The following GAS2 variants were observed in gnomAD, a reference collection of about 807,000 sequenced individuals.
GAS2 encodes the protein growth arrest-specific protein 2.
In GAS2, 20 loss-of-function variants were observed where a neutral mutation model predicts 37.5. The ratio of observed to expected loss-of-function variants is 0.53; its 90% CI spans 0.37 to 0.77. GAS2 has a LOEUF of 0.77. Ranked by LOEUF, GAS2 falls within the 30% of genes least tolerant of loss-of-function variation. The pLI is 0.00. For synonymous variants in GAS2, 144 were observed against 132.2 expected (o/e 1.09, Z -0.61); for missense variants, 336 against 373.4 (o/e 0.90, Z 0.82).
At chr11:22,753,146 C>G (rs1021303745) in intron 6 of GAS2, among the ~76,000 whole-genome samples, 1 of 152,080 alleles carries the variant, frequency 6.6e-6, no homozygotes, top group Admixed American at 6.6e-5. Context: ...CTCTTGAAAT[C>G]CCATTTCAGC....
chr11:22,797,646 A>G (rs1329145747), intron 7 of GAS2, among the ~76,000 whole-genome samples: 1 of 152,088 alleles, frequency 6.6e-6, no homozygotes, highest in Non-Finnish European at 1.5e-5. Context: ...TAATGGTAAC[A>G]TTAATACTTG....
At chr11:22,710,888 T>G (rs930050581) in intron 3 of GAS2, among the ~76,000 whole-genome samples, 1 of 152,174 alleles carries the variant, frequency 6.6e-6, no homozygotes, top group African/African-American at 2.4e-5. Flanking sequence ...TCATAATTAT[T>G]TTTCCCAAAG....
intron 2 of GAS2, 76 bp from the exon 3 acceptor site, chr11:22,685,592 A>G (rs1335446050): frequency 1.3e-6 from 2 of 1,492,022 alleles, no homozygotes; most frequent in African/African-American, 1.4e-5. Flanking sequence ...TAGTGATAAA[A>G]CTGTGTCAAA....
At chr11:22,731,158 G>A (rs1852455092) in intron 4 of GAS2, among the ~76,000 whole-genome samples, 1 of 151,756 alleles carries the variant, frequency 6.6e-6, no homozygotes, top group Non-Finnish European at 1.5e-5. Context: ...TATCAATTTA[G>A]AAATTGTCAA....
At chr11:22,738,223 TC>T (rs1565118662) in intron 5 of GAS2, among the ~76,000 whole-genome samples, 2 of 152,236 alleles carry the variant, frequency 1.3e-5, no homozygotes, top group Admixed American at 6.5e-5. Flanking sequence ...AGTTTCCACT[TC>T]TGACTAGGAT....
intron 1 of GAS2, among the ~76,000 whole-genome samples, chr11:22,667,648 C>A (rs189877978): frequency 2.8e-4 from 43 of 152,312 alleles, no homozygotes; most frequent in Admixed American, 2.3e-3. Context: ...AAATTAAATT[C>A]TGTCAACTCA....
At chr11:22,681,898 C>G (rs556371326) in intron 2 of GAS2, among the ~76,000 whole-genome samples, 1 of 150,968 alleles carries the variant, frequency 6.6e-6, no homozygotes, top group East Asian at 1.9e-4. Context: ...ATATATCATC[C>G]CCATATAAAG....
chr11:22,696,374 G>A (rs1205900056), intron 3 of GAS2, among the ~76,000 whole-genome samples: 1 of 152,016 alleles, frequency 6.6e-6, no homozygotes. Context: ...CCAAGTCTTT[G>A]CTATTGTGAA....
chr11:22,638,661 A>C (rs1328406699), intron 1 of GAS2, among the ~76,000 whole-genome samples: 1 of 152,138 alleles, frequency 6.6e-6, no homozygotes, highest in Non-Finnish European at 1.5e-5. Context: ...TTATTTTAAG[A>C]TATGCAAGAA....
intron 1 of GAS2, among the ~76,000 whole-genome samples, chr11:22,648,708 T>G (rs1241117152): frequency 6.6e-6 from 1 of 152,260 alleles, no homozygotes; most frequent in Non-Finnish European, 1.5e-5. Flanking sequence ...ATTTCACTCA[T>G]GATTTGGCTC....
chr11:22,634,436 T>G (rs112259503), intron 1 of GAS2, among the ~76,000 whole-genome samples: 2 of 152,230 alleles, frequency 1.3e-5, no homozygotes, highest in African/African-American at 4.8e-5. Context: ...TAGCTGACAG[T>G]TGGAGTAGAG....
chr11:22,730,794 G>T (rs188817636), intron 4 of GAS2, among the ~76,000 whole-genome samples: 2 of 151,762 alleles, frequency 1.3e-5, no homozygotes, highest in African/African-American at 4.8e-5. Flanking sequence ...AAGGCTCTAG[G>T]TGTGAAAGTA....
At position 22,810,419 on chromosome 11, in the gene GAS2, AAT is replaced by A. The variant is rs1380215316; in HGVS notation, c.724-1378_724-1377del. Among the ~76,000 whole-genome samples, 3 of 152,106 alleles carry A rather than the reference AAT, an allele frequency of 2.0e-5. No homozygotes were observed. In the East Asian group the frequency reaches 5.8e-4, roughly 30 times the overall value. On this transcript the variant is annotated intron_variant, in intron 7 of 7. Transcript: ENST00000454584. ...AAATAAGACAACTGTAATTTTCCCAAATTTTAAGACTGGGAGGGTCAATTTCT... is the reference window on the plus strand; with the variant it reads ...AAATAAGACAACTGTAATTTTCCCAATTTAAGACTGGGAGGGTCAATTTCT...
intron 3 of GAS2, among the ~76,000 whole-genome samples, chr11:22,696,331 CCAGTCTAT>C (rs1170562927): frequency 6.6e-6 from 1 of 151,936 alleles, no homozygotes; most frequent in African/African-American, 2.4e-5. Flanking sequence ...TTTTCTTAAT[CCAGTCTAT>C]CATTGTTGGA....
chr11:22,655,680 A>G (rs1235364735), intron 1 of GAS2, among the ~76,000 whole-genome samples: 2 of 152,206 alleles, frequency 1.3e-5, no homozygotes, highest in Non-Finnish European at 2.9e-5. Context: ...CACTTATAAA[A>G]TCTGCCTCAA....
chr11:22,789,323 CACACACACAA>C (rs1241946013), intron 7 of GAS2, among the ~76,000 whole-genome samples: 15 of 111,682 alleles, frequency 1.3e-4, no homozygotes, highest in Non-Finnish European at 2.1e-4. Flanking sequence ...CACACACACA[CACACACACAA>C]ACACACACAC....
chr11:22,790,581 T>C (rs1178204087), intron 7 of GAS2, among the ~76,000 whole-genome samples: 1 of 140,494 alleles, frequency 7.1e-6, no homozygotes, highest in East Asian at 2.2e-4. Context: ...CAATGTTTTC[T>C]TCTTCTCTAT....
intron 1 of GAS2, chr11:22,667,194 C>G (rs1303490854): frequency 6.6e-6 from 1 of 152,194 alleles, no homozygotes; most frequent in Admixed American, 6.5e-5. Context: ...AACCGCAGCA[C>G]GTAAGCCCGC....
Position 22,698,060 on chromosome 11 carries a change from A to G in GAS2, c.267+12271A>G, listed in dbSNP as rs186539913. On this transcript the variant is annotated intron_variant, in intron 3 of 7. Coordinates refer to ENST00000454584, the MANE Select transcript of GAS2 (RefSeq NM_001143830.3). Reference sequence around the variant, plus strand: ...GAATGCTTCCAGTTTTTGCCCATTCAGTATGATATTGGCTATGGAGCTGGG... The same window carrying G: ...GAATGCTTCCAGTTTTTGCCCATTCGGTATGATATTGGCTATGGAGCTGGG... Among the ~76,000 whole-genome samples, 4 of 152,310 alleles carry G rather than the reference A, an allele frequency of 2.6e-5. No individual in the cohort carries two copies. The East Asian group carries it at 7.7e-4, about 29-fold the overall frequency.
Sources: gnomAD v4.1 joint callset for allele counts (sites outside exome capture counted in the v4.1 genomes callset) on GRCh38, gnomAD v4.1.1 for gene constraint, MANE v1.5 for transcripts, NCBI Gene and HGNC (gene_info 2026-07-23, HGNC 2026-07-21) for gene names.